Variants in HEBP2 observed in about 807,000 individuals in gnomAD.
HEBP2 encodes heme binding protein 2.
A neutral mutation model predicts 23.1 loss-of-function variants in HEBP2; 27 were observed. The observed-to-expected ratio is 1.17, with a 90% CI of 0.86 to 1.61. HEBP2 has a LOEUF of 1.61. Ranked by LOEUF, HEBP2 falls within the 40% of genes most tolerant of loss-of-function variation. The probability of loss-of-function intolerance (pLI) is 0.00; values close to 1 mark genes in which losing one functional copy is unlikely to be tolerated. For synonymous variants in HEBP2, 99 were observed against 95.1 expected, an observed-to-expected ratio of 1.04 and a Z score of -0.24; for missense variants, 245 against 253.8, an observed-to-expected ratio of 0.97 and a Z score of 0.24.
chr6:138,409,559 C>G (rs1320231811), intron 3 of HEBP2, among the ~76,000 whole-genome samples: 2 of 152,178 alleles, frequency 1.3e-5, no homozygotes, highest in Non-Finnish European at 2.9e-5. Context: ...TTGATCTTAA[C>G]TGAATTATTT....
At position 138,417,979 on chromosome 6, in the gene HEBP2, C is replaced by A. The variant is rs764641822; in HGVS notation, c.*4901C>A. On this transcript the variant is annotated 3_prime_UTR_variant, in exon 4 of 4. Coordinates refer to ENST00000607197, the MANE Select transcript of HEBP2 (RefSeq NM_014320.3). ...CTAGACCAAAGGCTTCTTTGGACTT[C>A]CCCTAACAAAGCTTAAAGACAAGCC... 4 of 152,146 alleles carry A rather than the reference C, an allele frequency of 2.6e-5. No homozygotes were observed. The highest frequency in any genetic ancestry group is 4.4e-5 in the Non-Finnish European group (3 of 68,038). The allele number at this position is 152,146 out of a possible 1,614,324, so 9.4% of individuals were successfully genotyped here. A position where few individuals can be genotyped will look rare whatever the true frequency, so the allele number is the denominator to read the frequency against.
Position 138,417,350 on chromosome 6 carries a change from G to T in HEBP2, c.*4272G>T, listed in dbSNP as rs1343078975. The T allele has an allele frequency of 6.6e-6, 1 of 152,134 alleles. No homozygotes were observed. Among genetic ancestry groups the T allele is most frequent in the Admixed American group, 6.5e-5 (1 of 15,270 alleles). 9.4% of individuals were successfully genotyped at this position (152,134 alleles called of 1,614,324 possible). ...AGGGCAGTAAACCATAATAAATATT[G>T]CCTTGAACAGTATTTTTTAAGCACC... is the stretch of plus-strand genomic sequence containing the variant. On this transcript the variant is annotated 3_prime_UTR_variant, in exon 4 of 4. Coordinates refer to ENST00000607197, the MANE Select transcript of HEBP2 (RefSeq NM_014320.3).
upstream of HEBP2, chr6:138,404,141 G>C: frequency 4.3e-6 from 1 of 230,910 alleles, no homozygotes; most frequent in East Asian, 9.0e-5. Context: ...GGGGCCACCT[G>C]TGTGTGCCTT....
chr6:138,411,535 C>G (rs967055917), intron 3 of HEBP2, among the ~76,000 whole-genome samples: 1 of 152,174 alleles, frequency 6.6e-6, no homozygotes, highest in Non-Finnish European at 1.5e-5. Context: ...GGTCTCTTTC[C>G]TATCACTCCC....
intron 3 of HEBP2, among the ~76,000 whole-genome samples, chr6:138,410,201 A>G (rs1316126067): frequency 6.6e-6 from 1 of 152,224 alleles, no homozygotes; most frequent in Non-Finnish European, 1.5e-5. Flanking sequence ...ACAGCATGTT[A>G]CTATGTCCAT....
In HEBP2 at chr6:138,405,205, T is replaced by G; in HGVS notation, c.163T>G (p.Ser55Ala). The change falls in exon 2 of 4, where the codon TCT becomes GCT. Residue 55 changes from serine to alanine, a missense_variant. By Grantham distance (99) the Ser-to-Ala change is moderately conservative (BLOSUM62 1). Coordinates refer to ENST00000607197, the MANE Select transcript of HEBP2 (RefSeq NM_014320.3). ...PAKWVSTSVE[S>A]MDWDSAIQTG... is the part of the protein sequence containing the mutation. ...CAAGTGGGTCAGCACGTCCGTGGAG[T>G]CTATGGACTGGGATTCAGCCATCCA... 3 of 1,614,052 alleles carry G rather than the reference T, an allele frequency of 1.9e-6. No individual in the cohort carries two copies. The East Asian group carries it at 6.7e-5, about 36-fold the overall frequency.
Position 138,417,846 on chromosome 6 carries a change from G to A in HEBP2, c.*4768G>A, listed in dbSNP as rs761150325. ...AATTTACAGATCATCTATGGGGCTG[G>A]GAAAAGTTTGTGTTTCCACTAGCCA... On this transcript the variant is annotated 3_prime_UTR_variant, in exon 4 of 4. Coordinates refer to ENST00000607197, the MANE Select transcript of HEBP2 (RefSeq NM_014320.3). 6.6e-6 allele frequency: 1 copy of A among 152,194 alleles called. No individual in the cohort carries two copies. Among genetic ancestry groups the A allele is most frequent in the African/African-American group, 2.4e-5 (1 of 41,440 alleles). 9.4% of individuals were successfully genotyped at this position (152,194 alleles called of 1,614,324 possible).
At position 138,416,954 on chromosome 6, in the gene HEBP2, G is replaced by A. The variant is rs1005107918; in HGVS notation, c.*3876G>A. On this transcript the variant is annotated 3_prime_UTR_variant, in exon 4 of 4. Transcript: ENST00000607197. ...AAAGTTTCCTGCAACATTTCAGCAG[G>A]TGTACACAGTAATGATCCCCTCATT... is the stretch of plus-strand genomic sequence containing the variant. 6.6e-6 allele frequency: 1 copy of A among 152,160 alleles called. No homozygotes were observed. Among genetic ancestry groups the A allele is most frequent in the Non-Finnish European group, 1.5e-5 (1 of 68,044 alleles). The allele number at this position is 152,160 out of a possible 1,614,324, so 9.4% of individuals were successfully genotyped here. A position where few individuals can be genotyped will look rare whatever the true frequency, so the allele number is the denominator to read the frequency against.
In HEBP2 at chr6:138,404,447, GC is replaced by G; in HGVS notation, c.-48del. 1 of 1,185,494 alleles carries G rather than the reference GC, an allele frequency of 8.4e-7. No individual in the cohort carries two copies. The highest frequency in any genetic ancestry group is 1.1e-6 in the Non-Finnish European group (1 of 945,802). The allele number at this position is 1,185,494 out of a possible 1,614,324, so 73.4% of individuals were successfully genotyped here. ...ACACGCAGGCGGGGCGGCCCGGGGT[GC>G]GGGGCCTCTGCGCGGCTGACCAGGC... On this transcript the variant is annotated 5_prime_UTR_variant, in exon 1 of 4. Transcript: ENST00000607197.
Position 138,404,433 on chromosome 6 carries a change from G to T in HEBP2, c.-63G>T. ...TCGGCGGGGCGCGCACACGCAGGCG[G>T]GGCGGCCCGGGGTGCGGGGCCTCTG... On this transcript the variant is annotated 5_prime_UTR_variant, in exon 1 of 4. Coordinates refer to ENST00000607197, the MANE Select transcript of HEBP2 (RefSeq NM_014320.3). The T allele has an allele frequency of 9.1e-7, 1 of 1,100,896 alleles. No homozygotes were observed. Among genetic ancestry groups the T allele is most frequent in the Non-Finnish European group, 1.1e-6 (1 of 874,462 alleles). The allele number at this position is 1,100,896 out of a possible 1,614,324, so 68.2% of individuals were successfully genotyped here.
In HEBP2 at chr6:138,404,408, T is replaced by A; in HGVS notation, c.-88T>A. Reference sequence around the variant, plus strand: ...GTCTGCGGAGCGGGGACTCGGGGCCTCGGCGGGGCGCGCACACGCAGGCGG... The same window carrying A: ...GTCTGCGGAGCGGGGACTCGGGGCCACGGCGGGGCGCGCACACGCAGGCGG... On this transcript the variant is annotated 5_prime_UTR_variant, in exon 1 of 4. Transcript: ENST00000607197. The A allele has an allele frequency of 1.1e-6, 1 of 928,138 alleles. No individual in the cohort carries two copies. The highest frequency in any genetic ancestry group is 1.4e-6 in the Non-Finnish European group (1 of 720,390). 57.5% of individuals were successfully genotyped at this position (928,138 alleles called of 1,614,324 possible). A position where few individuals can be genotyped will look rare whatever the true frequency, so the allele number is the denominator to read the frequency against.
At position 138,419,220 on chromosome 6, in the gene HEBP2, ACACTGCT is replaced by A. The variant is rs1318320850; in HGVS notation, c.*6148_*6154del. ...CTCCCACTTACCAAGGCCAACTTAG[ACACTGCT>A]CACTGTGACTATCCAACCTGCCTGC... On this transcript the variant is annotated 3_prime_UTR_variant, in exon 4 of 4. Transcript: ENST00000607197. The A allele has an allele frequency of 6.6e-6, 1 of 152,226 alleles. No homozygotes were observed. The highest frequency in any genetic ancestry group is 6.5e-5 in the Admixed American group (1 of 15,284). 9.4% of individuals were successfully genotyped at this position (152,226 alleles called of 1,614,324 possible).
Position 138,406,108 on chromosome 6 carries a change from G to A in HEBP2, c.376G>A (p.Asp126Asn). The A allele has an allele frequency of 6.2e-7, 1 of 1,614,128 alleles. No individual in the cohort carries two copies. Among genetic ancestry groups the A allele is most frequent in the Non-Finnish European group, 8.5e-7 (1 of 1,180,004 alleles). Residue 126 changes from aspartate to asparagine, a missense_variant, in exon 3 of 4, where the codon GAT becomes AAT. By Grantham distance (23) the Asp-to-Asn change is conservative. Transcript: ENST00000607197. ...QFDPPRPLES[D>N]VFIEDRAEMT... is the part of the protein sequence containing the mutation. ...TGATCCACCCAGGCCTTTAGAGTCA[G>A]ATGTCTTCATTGAAGATAGAGCCGA... is the stretch of plus-strand genomic sequence containing the variant.
Position 138,405,965 on chromosome 6 carries a change from TCA to T in HEBP2, c.239-3_239-2del. ...CACTAAATTTGCTTTCATTTTTATG[TCA>T]CAGAGATGAAAATAAAGATGACAGC... is the stretch of plus-strand genomic sequence containing the variant. On this transcript the variant is annotated splice_region_variant and splice_polypyrimidine_tract_variant and intron_variant, in intron 2 of 3. Coordinates refer to ENST00000607197, the MANE Select transcript of HEBP2 (RefSeq NM_014320.3). 6.2e-7 allele frequency: 1 copy of T among 1,609,196 alleles called. No individual in the cohort carries two copies. The highest frequency in any genetic ancestry group is 8.5e-7 in the Non-Finnish European group (1 of 1,177,652).
rs1774959865 is a variant in HEBP2 at position 138,422,136 on chromosome 6, TTA to T, written c.*9060_*9061del. ...TTTAAAAATAGTTTTATAATTAGTG[TTA>T]TGTTGCTTTATCTTATCTTTGCATA... On this transcript the variant is annotated 3_prime_UTR_variant, in exon 4 of 4. Coordinates refer to ENST00000607197, the MANE Select transcript of HEBP2 (RefSeq NM_014320.3). 1 of 152,238 alleles carries T rather than the reference TTA, an allele frequency of 6.6e-6. No individual in the cohort carries two copies. The highest frequency in any genetic ancestry group is 2.4e-5 in the African/African-American group (1 of 41,468). The allele number at this position is 152,238 out of a possible 1,614,324, so 9.4% of individuals were successfully genotyped here.
chr6:138,406,690 C>T (rs753909185), intron 3 of HEBP2, among the ~76,000 whole-genome samples: 1 of 152,188 alleles, frequency 6.6e-6, no homozygotes, highest in Non-Finnish European at 1.5e-5. Context: ...AGGCTCTACC[C>T]TCATGACCTA....
chr6:138,405,974 T>C lies in HEBP2; in HGVS notation c.242T>C (p.Met81Thr). The C allele has an allele frequency of 6.2e-7, 1 of 1,610,682 alleles. No homozygotes were observed. Among genetic ancestry groups the C allele is most frequent in the Non-Finnish European group, 8.5e-7 (1 of 1,178,592 alleles). Reference protein sequence around the residue: ...SYIQGKNEKEMKIKMTAPVTS... With the variant: ...SYIQGKNEKETKIKMTAPVTS... ...TGCTTTCATTTTTATGTCACAGAGA[T>C]GAAAATAAAGATGACAGCTCCAGTG... The change falls in exon 3 of 4, where the codon ATG becomes ACG. Residue 81 changes from methionine (M) to threonine (T), a missense_variant. By Grantham distance (81) the Met-to-Thr change is moderately conservative (BLOSUM62 -1). Transcript: ENST00000607197.
chr6:138,406,945 C>G (rs2114765535), intron 3 of HEBP2, among the ~76,000 whole-genome samples: 1 of 152,164 alleles, frequency 6.6e-6, no homozygotes, highest in Non-Finnish European at 1.5e-5. Context: ...GTAGGAGGAT[C>G]ACTTGGGCCC....
chr6:138,419,663 A>G lies in HEBP2; in HGVS notation c.*6585A>G, dbSNP rs1359975317. 4 of 152,134 alleles carry G rather than the reference A, an allele frequency of 2.6e-5. No individual in the cohort carries two copies. Among genetic ancestry groups the G allele is most frequent in the Non-Finnish European group, 5.9e-5 (4 of 68,036 alleles). 9.4% of individuals were successfully genotyped at this position (152,134 alleles called of 1,614,324 possible). A position where few individuals can be genotyped will look rare whatever the true frequency, so the allele number is the denominator to read the frequency against. On this transcript the variant is annotated 3_prime_UTR_variant, in exon 4 of 4. Transcript: ENST00000607197. Reference sequence around the variant, plus strand: ...TGTGCCACCGTCTCCTGCACACAGTATACTTATTGAATCAGAAAGCCTGTA... The same window carrying G: ...TGTGCCACCGTCTCCTGCACACAGTGTACTTATTGAATCAGAAAGCCTGTA...
Sources: allele counts gnomAD v4.1 joint callset (sites outside exome capture counted in the v4.1 genomes callset), GRCh38; gene constraint gnomAD v4.1.1; transcripts MANE v1.5; gene names NCBI Gene and HGNC (gene_info 2026-07-23, HGNC 2026-07-21).